Variants in ZNF385D observed in about 807,000 individuals in gnomAD.
ZNF385D encodes the protein zinc finger protein 385D.
In ZNF385D, 15 loss-of-function variants were observed where a neutral mutation model predicts 35.8. That is an observed-to-expected ratio of 0.42 (90% confidence interval 0.28 to 0.64). ZNF385D has a LOEUF of 0.64. ZNF385D is among the 30% of genes least tolerant of loss of function. The probability of loss-of-function intolerance (pLI) is 0.23; values close to 1 mark genes in which losing one functional copy is unlikely to be tolerated. For synonymous variants in ZNF385D, 212 were observed against 186.8 expected, an observed-to-expected ratio of 1.13 and a Z score of -1.10; for missense variants, 474 against 494.6, an observed-to-expected ratio of 0.96 and a Z score of 0.39.
At chr3:21,545,177 CACAG>C (rs1246981372) in intron 3 of ZNF385D, among the ~76,000 whole-genome samples, 1 of 152,200 alleles carries the variant, frequency 6.6e-6, no homozygotes, top group African/African-American at 2.4e-5. Context: ...TTTTGCTATT[CACAG>C]ACAATTTTTG....
intron 3 of ZNF385D, among the ~76,000 whole-genome samples, chr3:21,515,362 G>T (rs1707491704): frequency 6.6e-6 from 1 of 152,134 alleles, no homozygotes; most frequent in Middle Eastern, 3.4e-3. Flanking sequence ...TAAAAACTCA[G>T]ACATTTATTA....
chr3:21,527,146 T>C (rs1302966666), intron 3 of ZNF385D, among the ~76,000 whole-genome samples: 1 of 152,210 alleles, frequency 6.6e-6, no homozygotes, highest in East Asian at 1.9e-4. Context: ...CTTTCAGGGA[T>C]ATATTTTTCT....
chr3:21,687,246 A>G (rs955252059), intron 1 of ZNF385D, among the ~76,000 whole-genome samples: 1 of 152,214 alleles, frequency 6.6e-6, no homozygotes, highest in African/African-American at 2.4e-5. Context: ...AAATGCCGCT[A>G]TATGAATGAG....
intron 3 of ZNF385D, among the ~76,000 whole-genome samples, chr3:21,811,009 T>TATAC (rs1463185617): frequency 6.6e-6 from 1 of 150,438 alleles, no homozygotes; most frequent in Non-Finnish European, 1.5e-5. Flanking sequence ...TATATATATA[T>TATAC]ACATTTTAAG....
chr3:22,223,381 T>C (rs1698372851), intron 2 of ZNF385D, among the ~76,000 whole-genome samples: 1 of 152,186 alleles, frequency 6.6e-6, no homozygotes, highest in Non-Finnish European at 1.5e-5. Flanking sequence ...CAGTGTTTAA[T>C]AATGTAGGCT....
intron 3 of ZNF385D, among the ~76,000 whole-genome samples, chr3:22,049,851 C>G (rs1261225174): frequency 6.6e-6 from 1 of 152,104 alleles, no homozygotes; most frequent in South Asian, 2.1e-4. Flanking sequence ...ATAAATCTCA[C>G]TTGATCATGG....
chr3:22,026,096 C>G (rs755881539), intron 3 of ZNF385D, among the ~76,000 whole-genome samples: 5 of 152,080 alleles, frequency 3.3e-5, no homozygotes, highest in Non-Finnish European at 5.9e-5. Context: ...TAGAGGTTGA[C>G]ATTGATAGGA....
At chr3:22,239,877 T>C (rs542403725) in intron 2 of ZNF385D, among the ~76,000 whole-genome samples, 2 of 150,942 alleles carry the variant, frequency 1.3e-5, no homozygotes, top group South Asian at 4.4e-4. Flanking sequence ...GTCAGAATTC[T>C]GGCTTTAAAT....
At chr3:21,466,683 TAA>T (rs1703538544) in intron 4 of ZNF385D, among the ~76,000 whole-genome samples, 1 of 152,188 alleles carries the variant, frequency 6.6e-6, no homozygotes, top group African/African-American at 2.4e-5. Context: ...ATGGCATTCA[TAA>T]GTCACACAAA....
intron 1 of ZNF385D, among the ~76,000 whole-genome samples, chr3:21,729,565 G>A (rs768878461): frequency 1.3e-5 from 2 of 152,110 alleles, no homozygotes; most frequent in African/African-American, 4.8e-5. Context: ...TAAAGATAAG[G>A]TTTGGGCTCA....
At chr3:21,509,618 T>A (rs577515242) in intron 4 of ZNF385D, among the ~76,000 whole-genome samples, 1 of 152,184 alleles carries the variant, frequency 6.6e-6, no homozygotes, top group South Asian at 2.1e-4. Context: ...CTTGGCTATA[T>A]CAGAGAACCA....
chr3:22,056,932 T>C (rs1374842980), intron 3 of ZNF385D, among the ~76,000 whole-genome samples: 1 of 152,194 alleles, frequency 6.6e-6, no homozygotes. Flanking sequence ...TCTAATCACA[T>C]CATTTTCACC....
intron 3 of ZNF385D, among the ~76,000 whole-genome samples, chr3:21,934,570 C>G (rs1420128352): frequency 6.6e-6 from 1 of 152,136 alleles, no homozygotes; most frequent in East Asian, 1.9e-4. Flanking sequence ...ACAGATGTAG[C>G]TTTAACTTCT....
chr3:22,111,534 C>T (rs1702536394), intron 3 of ZNF385D, among the ~76,000 whole-genome samples: 1 of 152,022 alleles, frequency 6.6e-6, no homozygotes, highest in South Asian at 2.1e-4. Context: ...TGATAGAAAA[C>T]TGTTGGATGA....
At chr3:21,977,757 G>A (rs1703725849) in intron 3 of ZNF385D, among the ~76,000 whole-genome samples, 1 of 152,016 alleles carries the variant, frequency 6.6e-6, no homozygotes. Flanking sequence ...GATCGCTTGA[G>A]CCCAGCAATT....
intron 3 of ZNF385D, among the ~76,000 whole-genome samples, chr3:22,115,130 T>A (rs185343884): frequency 2.0e-5 from 3 of 152,194 alleles, no homozygotes; most frequent in African/African-American, 7.2e-5. Flanking sequence ...TATTCTCCCA[T>A]GGCCAGAGAA....
intron 3 of ZNF385D, among the ~76,000 whole-genome samples, chr3:22,097,723 G>C (rs772510241): frequency 2.1e-4 from 32 of 152,026 alleles, no homozygotes; most frequent in Non-Finnish European, 4.6e-4. Context: ...TGTGTGCTTG[G>C]AGAAGCAGCA....
intron 2 of ZNF385D, among the ~76,000 whole-genome samples, chr3:21,565,419 C>T (rs554813648): frequency 7.9e-5 from 12 of 152,240 alleles, no homozygotes; most frequent in African/African-American, 2.9e-4. Context: ...CCTATGGTTG[C>T]TCTGGCTGGA....
intron 2 of ZNF385D, among the ~76,000 whole-genome samples, chr3:22,354,499 TAAG>T (rs1298313442): frequency 1.3e-5 from 2 of 152,024 alleles, no homozygotes; most frequent in Non-Finnish European, 1.5e-5. Flanking sequence ...GAAATCTTGA[TAAG>T]AAGGAAATGA....
Sources: gnomAD v4.1 joint callset for allele counts (sites outside exome capture counted in the v4.1 genomes callset) on GRCh38, gnomAD v4.1.1 for gene constraint, MANE v1.5 for transcripts, NCBI Gene and HGNC (gene_info 2026-07-23, HGNC 2026-07-21) for gene names.